GRIN2A: variants seen among roughly 807,000 people sequenced by gnomAD.
The protein encoded by GRIN2A is glutamate receptor ionotropic, NMDA 2A.
A neutral mutation model predicts 113.4 loss-of-function variants in GRIN2A; 22 were observed. The ratio of observed to expected loss-of-function variants is 0.19; its 90% CI spans 0.14 to 0.28. The LOEUF (loss-of-function observed/expected upper bound fraction) is 0.28, where lower values mean the gene tolerates loss of function less well. GRIN2A is among the 10% of genes least tolerant of loss of function. The probability of loss-of-function intolerance (pLI) is 1.00; values close to 1 mark genes in which losing one functional copy is unlikely to be tolerated. For missense variants in GRIN2A, 1,502 were observed against 1,887.0 expected, an observed-to-expected ratio of 0.80 and a Z score of 3.78; for synonymous variants, 827 against 738.4, an observed-to-expected ratio of 1.12 and a Z score of -1.94.
chr16:9,831,982 G>A (rs1224729476), intron 8 of GRIN2A, among the ~76,000 whole-genome samples: 1 of 151,994 alleles, frequency 6.6e-6, no homozygotes, highest in East Asian at 1.9e-4. Flanking sequence ...GCAGTGGTGT[G>A]ATCATAGCTC....
At chr16:9,767,049 C>A (rs1202837032) in intron 12 of GRIN2A, among the ~76,000 whole-genome samples, 1 of 152,216 alleles carries the variant, frequency 6.6e-6, no homozygotes, top group East Asian at 1.9e-4. Context: ...CAACAGTGTG[C>A]ATTTGTTTGG....
Position 9,808,221 on chromosome 16 carries a change from T to A in GRIN2A, c.2169-9757A>T, listed in dbSNP as rs558779044. 2.6e-5 allele frequency among the ~76,000 whole-genome samples: 4 copies of A among 152,370 alleles called. No homozygotes were observed. The South Asian group carries it at 8.3e-4, about 32-fold the overall frequency. On this transcript the variant is annotated intron_variant, in intron 10 of 12. Coordinates refer to ENST00000330684, the MANE Select transcript of GRIN2A (RefSeq NM_001134407.3). ...CTCTTTGCCGGAATATCTCATTTAA[T>A]CTTTACAGTGCATTTCCAAGTGAAG...
chr16:9,786,520 T>G (rs967846435), intron 11 of GRIN2A, among the ~76,000 whole-genome samples: 1 of 152,172 alleles, frequency 6.6e-6, no homozygotes, highest in African/African-American at 2.4e-5. Context: ...TGCAGGGTAA[T>G]GATGCTGTTT....
At chr16:9,934,334 C>T (rs956301363) in intron 3 of GRIN2A, among the ~76,000 whole-genome samples, 2 of 151,976 alleles carry the variant, frequency 1.3e-5, no homozygotes, top group African/African-American at 2.4e-5. Flanking sequence ...CTATGTATCC[C>T]AGGGGCTAGC....
intron 2 of GRIN2A, among the ~76,000 whole-genome samples, chr16:10,081,377 C>T (rs1047371883): frequency 6.6e-6 from 1 of 152,152 alleles, no homozygotes; most frequent in South Asian, 2.1e-4. Context: ...CTTACATATG[C>T]CCCCAGAAAG....
intron 4 of GRIN2A, among the ~76,000 whole-genome samples, chr16:9,883,547 A>G (rs2043526849): frequency 6.6e-6 from 1 of 152,232 alleles, no homozygotes; most frequent in African/African-American, 2.4e-5. Context: ...CAAATGTTTG[A>G]AGGGGCAGGA....
chr16:9,758,928 C>T lies in GRIN2A; in HGVS notation c.*4221G>A, dbSNP rs1393954485. ...TTGCCTTTACATAGAACCCTTCACTCATTAAATATCAAGCAACACATTTAG... is the reference window on the plus strand; with the variant it reads ...TTGCCTTTACATAGAACCCTTCACTTATTAAATATCAAGCAACACATTTAG... On this transcript the variant is annotated 3_prime_UTR_variant, in exon 13 of 13. Transcript: ENST00000330684. 4 of 221,010 alleles carry T rather than the reference C, an allele frequency of 1.8e-5. No individual in the cohort carries two copies. Among genetic ancestry groups the T allele is most frequent in the African/African-American group, 8.9e-5 (4 of 44,710 alleles). The allele number at this position is 221,010 out of a possible 1,614,324, so 13.7% of individuals were successfully genotyped here. A position where few individuals can be genotyped will look rare whatever the true frequency, so the allele number is the denominator to read the frequency against.
At chr16:9,861,647 T>G (rs1260135423) in intron 4 of GRIN2A, among the ~76,000 whole-genome samples, 2 of 152,230 alleles carry the variant, frequency 1.3e-5, no homozygotes, top group African/African-American at 4.8e-5. Flanking sequence ...TTCAGTGATG[T>G]TTTTTAAACC....
In GRIN2A at chr16:9,815,689, G is replaced by T. The variant is rs2042174284; in HGVS notation, c.2168+6575C>A. Among the ~76,000 whole-genome samples, 3 of 152,264 alleles carry T rather than the reference G, an allele frequency of 2.0e-5. No individual in the cohort carries two copies. The South Asian group carries it at 6.2e-4, about 32-fold the overall frequency. ...GTGCACTGTTGGTGGGAATGCAAAT[G>T]GGACTGTGGAAAACAGTATGGTTGT... On this transcript the variant is annotated intron_variant, in intron 10 of 12. Coordinates refer to ENST00000330684, the MANE Select transcript of GRIN2A (RefSeq NM_001134407.3).
chr16:10,049,940 T>G (rs1379384494), intron 2 of GRIN2A, among the ~76,000 whole-genome samples: 1 of 152,216 alleles, frequency 6.6e-6, no homozygotes, highest in African/African-American at 2.4e-5. Context: ...GAAAAGCCAC[T>G]GTTATCATCA....
chr16:9,793,350 A>C (rs946156889), intron 11 of GRIN2A, among the ~76,000 whole-genome samples: 1 of 152,036 alleles, frequency 6.6e-6, no homozygotes, highest in African/African-American at 2.4e-5. Flanking sequence ...GAAGGGTTTG[A>C]CCTTTATGGT....
At chr16:9,878,251 A>G (rs1368560571) in intron 4 of GRIN2A, among the ~76,000 whole-genome samples, 1 of 152,152 alleles carries the variant, frequency 6.6e-6, no homozygotes, top group Non-Finnish European at 1.5e-5. Flanking sequence ...CTCTATTAAA[A>G]TACTGCTTGG....
chr16:10,044,290 C>G (rs2047222742), intron 2 of GRIN2A, among the ~76,000 whole-genome samples: 1 of 151,990 alleles, frequency 6.6e-6, no homozygotes, highest in Non-Finnish European at 1.5e-5. Context: ...CCTCGGCCTC[C>G]CAAAGTGCTG....
chr16:10,038,008 C>A (rs1171956486), intron 2 of GRIN2A, among the ~76,000 whole-genome samples: 1 of 152,186 alleles, frequency 6.6e-6, no homozygotes, highest in Non-Finnish European at 1.5e-5. Context: ...ACATCATAAT[C>A]CCCTGGAATG....
chr16:10,071,699 T>C (rs1317035548), intron 2 of GRIN2A, among the ~76,000 whole-genome samples: 1 of 152,078 alleles, frequency 6.6e-6, no homozygotes, highest in Non-Finnish European at 1.5e-5. Context: ...CTTGAGAGCA[T>C]TTTGGGCACA....
At chr16:9,911,626 T>G (rs1488443442) in intron 3 of GRIN2A, among the ~76,000 whole-genome samples, 1 of 152,174 alleles carries the variant, frequency 6.6e-6, no homozygotes, top group Non-Finnish European at 1.5e-5. Flanking sequence ...AGCCCATGAA[T>G]GTTAACAATG....
At chr16:10,075,897 GT>G (rs1470992806) in intron 2 of GRIN2A, among the ~76,000 whole-genome samples, 1 of 152,116 alleles carries the variant, frequency 6.6e-6, no homozygotes, top group Non-Finnish European at 1.5e-5. Flanking sequence ...TACAACTAGT[GT>G]TTATAACTCT....
At chr16:9,823,130 T>A (rs763143802) in intron 9 of GRIN2A, among the ~76,000 whole-genome samples, 1 of 152,162 alleles carries the variant, frequency 6.6e-6, no homozygotes, top group Non-Finnish European at 1.5e-5. Flanking sequence ...AGGCCTGTAG[T>A]CCATGCATCA....
chr16:10,044,026 G>GAT (rs2047216487), intron 2 of GRIN2A, among the ~76,000 whole-genome samples: 1 of 133,584 alleles, frequency 7.5e-6, no homozygotes, highest in Non-Finnish European at 1.6e-5. Flanking sequence ...TATATATAGA[G>GAT]AGAGAGAGAG....
Sources: allele counts gnomAD v4.1 joint callset (sites outside exome capture counted in the v4.1 genomes callset), GRCh38; gene constraint gnomAD v4.1.1; transcripts MANE v1.5; gene names NCBI Gene and HGNC (gene_info 2026-07-23, HGNC 2026-07-21).